The following PATJ variants were observed in gnomAD, a reference collection of about 807,000 sequenced individuals.
PATJ encodes inaD-like protein.
In PATJ, 190 loss-of-function variants were observed where a neutral mutation model predicts 224.9. That is an observed-to-expected ratio of 0.84 (90% confidence interval 0.75 to 0.95). The LOEUF (loss-of-function observed/expected upper bound fraction) is 0.95, where lower values mean the gene tolerates loss of function less well. Among genes scored for constraint, PATJ ranks in the 40% least tolerant of loss-of-function variants. The pLI is 0.00. For missense variants in PATJ, 2,121 were observed against 2,270.3 expected (o/e 0.93, Z 1.34); for synonymous variants, 769 against 820.3 (o/e 0.94, Z 1.07).
chr1:62,002,136 A>G (rs1263093481), intron 28 of PATJ, among the ~76,000 whole-genome samples: 1 of 152,152 alleles, frequency 6.6e-6, no homozygotes, highest in Non-Finnish European at 1.5e-5. Flanking sequence ...TACCCATTCC[A>G]GAGGCCCCAA....
At chr1:61,747,491 C>T (rs1299513798) in intron 1 of PATJ, among the ~76,000 whole-genome samples, 2 of 152,064 alleles carry the variant, frequency 1.3e-5, no homozygotes, top group Non-Finnish European at 1.5e-5. Flanking sequence ...AGAGATTTGG[C>T]GAGGTTGAAA....
At position 61,755,109 on chromosome 1, in the gene PATJ, C is replaced by A. The variant is rs890320006; in HGVS notation, c.-35-7749C>A. ...GGTCACGAGGTCAGGAGTTCAAGAC[C>A]AGCCTGGCTGAGATGGTGAAACCCC... On this transcript the variant is annotated intron_variant, in intron 1 of 43. Coordinates refer to ENST00000642238, the MANE Select transcript of PATJ (RefSeq NM_001350145.3). Among the ~76,000 whole-genome samples, 2 of 151,840 alleles carry A rather than the reference C, an allele frequency of 1.3e-5. 1 individual carries two copies. The highest frequency in any genetic ancestry group is 4.8e-5 in the African/African-American group (2 of 41,422).
At chr1:62,106,404 G>T (rs371051282) in intron 33 of PATJ, among the ~76,000 whole-genome samples, 4 of 150,878 alleles carry the variant, frequency 2.7e-5, no homozygotes, top group East Asian at 1.9e-4. Flanking sequence ...CCGGGAGGTC[G>T]AAGCTGCAGT....
At chr1:61,831,150 T>C (rs1659240507) in intron 16 of PATJ, among the ~76,000 whole-genome samples, 1 of 144,320 alleles carries the variant, frequency 6.9e-6, no homozygotes, top group Admixed American at 7.1e-5. Flanking sequence ...ATGGCGCCAC[T>C]GCACTCCAGC....
At chr1:62,153,097 C>T (rs1466508146) in intron 42 of PATJ, among the ~76,000 whole-genome samples, 1 of 152,142 alleles carries the variant, frequency 6.6e-6, no homozygotes, top group African/African-American at 2.4e-5. Context: ...ATTTCAGCAT[C>T]ATGACTTTAT....
intron 41 of PATJ, among the ~76,000 whole-genome samples, chr1:62,145,493 C>T (rs1035354898): frequency 6.6e-6 from 1 of 152,008 alleles, no homozygotes; most frequent in African/African-American, 2.4e-5. Flanking sequence ...GAGACACTGT[C>T]GCTACAAAAA....
At chr1:61,859,532 TCTCTCTCTCTCTCTCTCC>T (rs1276607368) in intron 18 of PATJ, among the ~76,000 whole-genome samples, 4 of 149,752 alleles carry the variant, frequency 2.7e-5, no homozygotes, top group Non-Finnish European at 6.0e-5. Context: ...CTCTGAGGTG[TCTCTCTCTCTCTCTCTCC>T]CTCTCTCTCT....
intron 33 of PATJ, among the ~76,000 whole-genome samples, chr1:62,107,228 C>T (rs979038758): frequency 6.6e-6 from 1 of 151,836 alleles, no homozygotes; most frequent in African/African-American, 2.4e-5. Flanking sequence ...ATGGCGTGAA[C>T]CCAGGAGACG....
intron 14 of PATJ, among the ~76,000 whole-genome samples, chr1:61,810,702 ATAAATAAAT>A (rs1408354594): frequency 4.3e-3 from 131 of 30,264 alleles, no homozygotes; most frequent in Middle Eastern, 0.011. Context: ...GTCTCAAAAA[ATAAATAAAT>A]AAATAAATAA....
Position 61,823,032 on chromosome 1 carries a change from C to T in PATJ, c.1771C>T (p.Pro591Ser). ...HYISSIVSGG[P>S]VDTLGLLQPE... ...TATTTCTTCAATTGTTTCTGGTGGT[C>T]CTGTTGATACATTGGGTCTCCTACA... Residue 591 changes from proline to serine, a missense_variant, in exon 15 of 44, where the codon CCT becomes TCT. Coordinates refer to ENST00000642238, the MANE Select transcript of PATJ (RefSeq NM_001350145.3). The T allele has an allele frequency of 6.2e-7, 1 of 1,613,990 alleles. No individual in the cohort carries two copies. The highest frequency in any genetic ancestry group is 8.5e-7 in the Non-Finnish European group (1 of 1,179,960).
intron 20 of PATJ, among the ~76,000 whole-genome samples, chr1:61,869,317 G>A (rs376762039): frequency 1.2e-3 from 188 of 151,800 alleles, no homozygotes; most frequent in African/African-American, 3.6e-3. Flanking sequence ...CGTTTTAGCC[G>A]GGATGGTCTC....
At chr1:62,144,159 C>T (rs1180219276) in intron 41 of PATJ, among the ~76,000 whole-genome samples, 1 of 152,134 alleles carries the variant, frequency 6.6e-6, no homozygotes, top group Non-Finnish European at 1.5e-5. Context: ...CCAATTCATT[C>T]CGTCATTCTT....
chr1:62,128,922 G>A lies in PATJ; in HGVS notation c.5248G>A (p.Ala1750Thr). 4 of 1,611,068 alleles carry A rather than the reference G, an allele frequency of 2.5e-6. No homozygotes were observed. The highest frequency in any genetic ancestry group is 2.2e-5 in the East Asian group (1 of 44,824). The change falls in exon 41 of 44, where the codon GCC becomes ACC. Residue 1750 changes from alanine (A) to threonine (T), a missense_variant. Transcript: ENST00000642238. Reference sequence around the variant, plus strand: ...GGATGTGGTTAATCTGCTGAAGAACGCCTACGGGCGCATTATCCTGCAGGT... The same window carrying A: ...GGATGTGGTTAATCTGCTGAAGAACACCTACGGGCGCATTATCCTGCAGGT... Reference protein sequence around the residue: ...HADVVNLLKNAYGRIILQVVA... With the variant: ...HADVVNLLKNTYGRIILQVVA...
chr1:62,070,952 C>T (rs1000063851), intron 31 of PATJ, among the ~76,000 whole-genome samples: 1 of 152,092 alleles, frequency 6.6e-6, no homozygotes, highest in Non-Finnish European at 1.5e-5. Context: ...AACAGCTGGG[C>T]ATAACTTGGT....
chr1:61,848,058 G>T (rs1247461109), intron 17 of PATJ, among the ~76,000 whole-genome samples: 2 of 152,056 alleles, frequency 1.3e-5, no homozygotes, highest in Non-Finnish European at 1.5e-5. Context: ...TAGTGGTTTT[G>T]TGAATGTTTG....
intron 30 of PATJ, among the ~76,000 whole-genome samples, chr1:62,048,332 G>A (rs1299699692): frequency 1.3e-5 from 2 of 151,980 alleles, no homozygotes; most frequent in African/African-American, 4.8e-5. Context: ...GATCACTTGA[G>A]GTCAGGAATT....
chr1:61,834,331 T>A (rs1158158521), intron 17 of PATJ, among the ~76,000 whole-genome samples: 1 of 152,232 alleles, frequency 6.6e-6, no homozygotes, highest in African/African-American at 2.4e-5. Context: ...ATAGAAGTGT[T>A]CTTGGTCAAG....
chr1:61,920,724 T>TTTTTTTTTTTTTTTTC (rs1242326342), intron 26 of PATJ, among the ~76,000 whole-genome samples: 1 of 145,190 alleles, frequency 6.9e-6, no homozygotes, highest in African/African-American at 2.7e-5. Flanking sequence ...TTTTTTTTTT[T>TTTTTTTTTTTTTTTTC]TGAGACAGAG....
chr1:62,076,063 G>T (rs537955791), intron 31 of PATJ, among the ~76,000 whole-genome samples: 6 of 152,074 alleles, frequency 3.9e-5, no homozygotes, highest in Non-Finnish European at 8.8e-5. Flanking sequence ...CGAATGCTAG[G>T]ACCCCCATCC....
Sources: allele counts gnomAD v4.1 joint callset (sites outside exome capture counted in the v4.1 genomes callset), GRCh38; gene constraint gnomAD v4.1.1; transcripts MANE v1.5; gene names NCBI Gene and HGNC (gene_info 2026-07-23, HGNC 2026-07-21).